The following STAT5B variants were observed in gnomAD, a reference collection of about 807,000 sequenced individuals.
STAT5B encodes signal transducer and activator of transcription 5B.
In STAT5B, 21 loss-of-function variants were observed where a neutral mutation model predicts 107.8. The observed-to-expected ratio is 0.19, with a 90% CI of 0.14 to 0.28. The LOEUF is 0.28. STAT5B is among the 10% of genes least tolerant of loss of function. The pLI, the probability that STAT5B is intolerant of heterozygous loss-of-function variation, is 1.00. For missense variants in STAT5B, 565 were observed against 1,008.2 expected, an observed-to-expected ratio of 0.56 and a Z score of 5.95; for synonymous variants, 325 against 401.7, an observed-to-expected ratio of 0.81 and a Z score of 2.28.
At chr17:42,243,098 C>A (rs1389741018) in intron 1 of STAT5B, among the ~76,000 whole-genome samples, 2 of 148,302 alleles carry the variant, frequency 1.3e-5, no homozygotes, top group African/African-American at 5.0e-5. Flanking sequence ...TCCCCCTCTG[C>A]GAGAAACACC....
intron 1 of STAT5B, chr17:42,271,175 G>A (rs1009327805): frequency 2.0e-5 from 3 of 152,210 alleles, no homozygotes; most frequent in Non-Finnish European, 4.4e-5. Flanking sequence ...CATGGATGTG[G>A]CTGTTACTGG....
chr17:42,280,694 C>T (rs979291519), upstream of STAT5B, among the ~76,000 whole-genome samples: 19 of 152,160 alleles, frequency 1.2e-4, no homozygotes, highest in African/African-American at 4.3e-4. Context: ...GGCGGGGATG[C>T]CAGATCTCCA....
rs538907525 is a variant in STAT5B, at chr17:42,216,167, T to C, written c.1381-61A>G. 1,209 of 1,303,326 alleles carry C rather than the reference T, an allele frequency of 9.3e-4. 8 individuals carry two copies. In the African/African-American group the frequency reaches 0.018, roughly 20 times the overall value. 80.7% of individuals were successfully genotyped at this position (1,303,326 alleles called of 1,614,324 possible). A position where few individuals can be genotyped will look rare whatever the true frequency, so the allele number is the denominator to read the frequency against. ...GCCTCAAGTTCTTCTCCTTCTCTCTTTTTTTTTTTTCTTATTATAACAACA... is the reference window on the plus strand; with the variant it reads ...GCCTCAAGTTCTTCTCCTTCTCTCTCTTTTTTTTTTCTTATTATAACAACA... On this transcript the variant is annotated intron_variant, in intron 11 of 18. Transcript: ENST00000293328.
upstream of STAT5B, among the ~76,000 whole-genome samples, chr17:42,278,828 A>G (rs952565833): frequency 5.9e-5 from 9 of 151,628 alleles, no homozygotes; most frequent in African/African-American, 2.2e-4. Context: ...AAAATACAAA[A>G]ATTAGCTGGA....
intron 2 of STAT5B, 38 bp from the exon 3 acceptor site, chr17:42,227,723 G>T (rs1448777620): frequency 6.2e-7 from 1 of 1,607,014 alleles, no homozygotes; most frequent in South Asian, 1.1e-5. Context: ...ATACATACAT[G>T]CACGTGAGCC....
At chr17:42,268,394 A>G (rs2080692858) in intron 1 of STAT5B, among the ~76,000 whole-genome samples, 1 of 152,178 alleles carries the variant, frequency 6.6e-6, no homozygotes. Context: ...AGTAGGGCTC[A>G]CCATCTACGT....
At position 42,210,501 on chromosome 17, in the gene STAT5B, G is replaced by T. The variant is rs1337899531; in HGVS notation, c.1681-4C>A. 1.9e-6 allele frequency: 3 copies of T among 1,612,186 alleles called. No individual in the cohort carries two copies. Among genetic ancestry groups the T allele is most frequent in the African/African-American group, 2.7e-5 (2 of 74,978 alleles). On this transcript the variant is annotated splice_polypyrimidine_tract_variant and splice_region_variant and intron_variant, in intron 13 of 18. Coordinates refer to ENST00000293328, the MANE Select transcript of STAT5B (RefSeq NM_012448.4). ...AATTCCGTCCTGGTAAATTCTCCTG[G>T]TTGGAGATACAACAGTGAACATAAG...
chr17:42,201,797 C>A lies in STAT5B; in HGVS notation c.2305G>T (p.Val769Leu), dbSNP rs2080046478. 6.2e-7 allele frequency: 1 copy of A among 1,614,156 alleles called. No individual in the cohort carries two copies. Among genetic ancestry groups the A allele is most frequent in the Non-Finnish European group, 8.5e-7 (1 of 1,180,020 alleles). The change falls in exon 19 of 19, where the codon GTG becomes TTG. Residue 769 changes from valine (V) to leucine (L), a missense_variant. Coordinates refer to ENST00000293328, the MANE Select transcript of STAT5B (RefSeq NM_012448.4). ...ATTGGCCGGCCCAGGAGCTCCTCCA[C>A]ACGCCGCGCTACGTCCATTGTGTCC... The part of the protein sequence containing the change: ...LEDTMDVARR[V>L]EELLGRPMDS...
Position 42,200,643 on chromosome 17 carries a change from T to A in STAT5B, c.*1095A>T, listed in dbSNP as rs148224780. 4 of 154,370 alleles carry A rather than the reference T, an allele frequency of 2.6e-5. No homozygotes were observed. The East Asian group carries it at 7.4e-4, about 29-fold the overall frequency. The allele number at this position is 154,370 out of a possible 1,614,324, so 9.6% of individuals were successfully genotyped here. ...ATTAGGTGTGAACAGAGAAGGGGAATGAGGTGACCTGGGTTTGAATGACCC... is the reference window on the plus strand; with the variant it reads ...ATTAGGTGTGAACAGAGAAGGGGAAAGAGGTGACCTGGGTTTGAATGACCC... On this transcript the variant is annotated 3_prime_UTR_variant, in exon 19 of 19. Coordinates refer to ENST00000293328, the MANE Select transcript of STAT5B (RefSeq NM_012448.4).
chr17:42,241,600 G>A lies in STAT5B; in HGVS notation c.-10-9463C>T, dbSNP rs909753456. ...TGGAATTACAGGCATGTGCCACTGTGTCTGGCTAATTTTTGGATTTTTAGT... is the reference window on the plus strand; with the variant it reads ...TGGAATTACAGGCATGTGCCACTGTATCTGGCTAATTTTTGGATTTTTAGT... On this transcript the variant is annotated intron_variant, in intron 1 of 18. Coordinates refer to ENST00000293328, the MANE Select transcript of STAT5B (RefSeq NM_012448.4). Among the ~76,000 whole-genome samples the A allele has an allele frequency of 5.9e-5, 9 of 151,900 alleles. No homozygotes were observed. In the South Asian group the frequency reaches 1.0e-3, roughly 18 times the overall value.
chr17:42,207,428 C>T (rs748705155), intron 16 of STAT5B, 130 bp downstream of exon 16: 17 of 1,228,262 alleles, frequency 1.4e-5, no homozygotes, highest in Non-Finnish European at 2.0e-5. Context: ...GCTCAAACTG[C>T]TCTCACTGAA....
intron 15 of STAT5B, 146 bp downstream of exon 15, chr17:42,210,025 A>C (rs2080116038): frequency 1.0e-5 from 13 of 1,271,240 alleles, no homozygotes; most frequent in Non-Finnish European, 1.4e-5. Flanking sequence ...AGGCTGCCTT[A>C]TTATGAGTAT....
Position 42,234,900 on chromosome 17 carries a change from C to T in STAT5B, c.-10-2763G>A, listed in dbSNP as rs1295194905. The stretch of plus-strand genomic sequence containing the variant: ...TATAAGGGATGGATGAATGAAGGTG[C>T]TTAGGCACTTAAGTATATGGAAGAG... On this transcript the variant is annotated intron_variant, in intron 1 of 18. Coordinates refer to ENST00000293328, the MANE Select transcript of STAT5B (RefSeq NM_012448.4). 2.0e-5 allele frequency: 3 copies of T among 152,100 alleles called. No individual in the cohort carries two copies. The East Asian group carries it at 5.8e-4, about 29-fold the overall frequency. 9.4% of individuals were successfully genotyped at this position (152,100 alleles called of 1,614,324 possible).
intron 16 of STAT5B, among the ~76,000 whole-genome samples, chr17:42,203,786 C>G (rs971178403): frequency 6.6e-6 from 1 of 151,944 alleles, no homozygotes; most frequent in African/African-American, 2.4e-5. Flanking sequence ...ACCACCATGC[C>G]CAGCTACTTT....
At chr17:42,207,052 T>C (rs1458551915) in intron 16 of STAT5B, among the ~76,000 whole-genome samples, 2 of 151,160 alleles carry the variant, frequency 1.3e-5, no homozygotes, top group Non-Finnish European at 3.0e-5. Flanking sequence ...TTTGTATTTT[T>C]TGTAGAGATA....
rs2080181603 is a variant in STAT5B at position 42,217,426 on chromosome 17, A to G, written c.1208T>C (p.Met403Thr). ...GGTGCCTGTGGCTTGGTGGTACTCC[A>G]TGACGCAGCAGTTGTTCAAGATCTC... ...SGEILNNCCV[M>T]EYHQATGTLS... Residue 403 changes from methionine (M) to threonine (T), a missense_variant, in exon 10 of 19, where the codon ATG becomes ACG. This residue lies in a region of STAT5B where 70 missense variants were observed against 73.2 expected (regional missense o/e 0.96). Transcript: ENST00000293328. 1 of 1,614,232 alleles carries G rather than the reference A, an allele frequency of 6.2e-7. No individual in the cohort carries two copies. Among genetic ancestry groups the G allele is most frequent in the Non-Finnish European group, 8.5e-7 (1 of 1,180,040 alleles).
chr17:42,237,383 T>C (rs543812496), intron 1 of STAT5B, among the ~76,000 whole-genome samples: 1 of 152,356 alleles, frequency 6.6e-6, no homozygotes, highest in Non-Finnish European at 1.5e-5. Context: ...TAAATATCTT[T>C]TCTCAGATGC....
intron 2 of STAT5B, among the ~76,000 whole-genome samples, chr17:42,231,629 G>A (rs1489633193): frequency 6.6e-6 from 1 of 152,108 alleles, no homozygotes; most frequent in East Asian, 1.9e-4. Context: ...ACACAATGTT[G>A]GGCTTTAATT....
At chr17:42,258,468 C>G (rs1202677548) in intron 1 of STAT5B, among the ~76,000 whole-genome samples, 1 of 152,138 alleles carries the variant, frequency 6.6e-6, no homozygotes, top group African/African-American at 2.4e-5. Context: ...CACCTGAGGT[C>G]AGGAGTTTGA....
Sources: gnomAD v4.1 joint callset for allele counts (sites outside exome capture counted in the v4.1 genomes callset) on GRCh38, gnomAD v4.1.1 for gene constraint, gnomAD v4.1.1 regional missense constraint, MANE v1.5 for transcripts, NCBI Gene and HGNC (gene_info 2026-07-23, HGNC 2026-07-21) for gene names.